Variants in VPS8 observed in about 807,000 individuals in gnomAD.
VPS8 encodes VPS8 subunit of CORVET complex.
VPS8 carries 129 observed loss-of-function variants against 216.4 expected under a neutral mutation model. That is an observed-to-expected ratio of 0.60 (90% confidence interval 0.52 to 0.69). VPS8 has a LOEUF of 0.69. Ranked by LOEUF, VPS8 falls within the 30% of genes least tolerant of loss-of-function variation. The pLI, the probability that VPS8 is intolerant of heterozygous loss-of-function variation, is 0.00. For synonymous variants in VPS8, 571 were observed against 565.4 expected (o/e 1.01, Z -0.14); for missense variants, 1,531 against 1,683.5 (o/e 0.91, Z 1.59).
chr3:184,895,834 A>G (rs1478453588), intron 23 of VPS8, among the ~76,000 whole-genome samples: 3 of 149,946 alleles, frequency 2.0e-5, no homozygotes, highest in Non-Finnish European at 4.4e-5. Context: ...GGGCTTCACC[A>G]TGTTGGGCAG....
chr3:185,023,436 T>C (rs1426960458), intron 45 of VPS8, among the ~76,000 whole-genome samples: 1 of 152,170 alleles, frequency 6.6e-6, no homozygotes, highest in Non-Finnish European at 1.5e-5. Context: ...AGCTCATGCC[T>C]GTAATCCCAA....
At chr3:184,916,368 G>A (rs1274440408) in intron 28 of VPS8, among the ~76,000 whole-genome samples, 2 of 151,944 alleles carry the variant, frequency 1.3e-5, no homozygotes, top group African/African-American at 4.8e-5. Context: ...GAAAGCAGCA[G>A]GCACACGAAT....
At chr3:184,931,645 G>A (rs1388832516) in intron 34 of VPS8, among the ~76,000 whole-genome samples, 2 of 152,156 alleles carry the variant, frequency 1.3e-5, no homozygotes, top group Non-Finnish European at 2.9e-5. Context: ...GTGGTCTGAA[G>A]TAATTTCCAC....
chr3:184,950,216 C>CCTTTTTTTTT (rs572473474), intron 36 of VPS8, among the ~76,000 whole-genome samples: 1 of 39,932 alleles, frequency 2.5e-5, no homozygotes, highest in African/African-American at 1.0e-4. Flanking sequence ...CAGTTTTCTG[C>CCTTTTTTTTT]TTTTTTTTTT....
rs543156325 is a variant in VPS8, at chr3:185,032,370, A to G, written c.4056+7981A>G. On this transcript the variant is annotated intron_variant, in intron 46 of 47. Coordinates refer to ENST00000625842, the MANE Select transcript of VPS8 (RefSeq NM_001009921.3). ...GAACGCTCCAACCATAAGATCTGCA[A>G]GGGTCTCAGAGATCACACAGAAAGG... Among the ~76,000 whole-genome samples the G allele has an allele frequency of 1.4e-4, 21 of 152,312 alleles. No individual in the cohort carries two copies. The East Asian group carries it at 2.3e-3, about 17-fold the overall frequency.
intron 36 of VPS8, among the ~76,000 whole-genome samples, chr3:184,949,160 G>A (rs1048815099): frequency 1.3e-5 from 2 of 152,072 alleles, no homozygotes; most frequent in Admixed American, 1.3e-4. Context: ...AGCAGGGCGT[G>A]GTGGTGCACA....
rs755904422 is a variant in VPS8, at chr3:184,894,690, C to G, written c.1782-13C>G. 8 of 1,573,040 alleles carry G rather than the reference C, an allele frequency of 5.1e-6. No individual in the cohort carries two copies. The highest frequency in any genetic ancestry group is 1.9e-5 in the Admixed American group (1 of 53,570). ...TGTTCCTAAAAGTTTTTCTCCCCCC[C>G]TTTCTGTTACAGGGATCTTTTATTT... is the stretch of plus-strand genomic sequence containing the variant. On this transcript the variant is annotated splice_polypyrimidine_tract_variant and intron_variant, in intron 22 of 47. Transcript: ENST00000625842.
intron 46 of VPS8, among the ~76,000 whole-genome samples, chr3:185,047,236 T>C (rs1713128276): frequency 6.6e-6 from 1 of 152,256 alleles, no homozygotes; most frequent in Admixed American, 6.5e-5. Context: ...CTGTGCTCTC[T>C]AGTTAGTAGC....
chr3:184,849,769 G>A, intron 9 of VPS8, 167 bp from the exon 10 acceptor site: 1 of 615,194 alleles, frequency 1.6e-6, no homozygotes, highest in Non-Finnish European at 2.9e-6. Flanking sequence ...TCGAATAAAG[G>A]CTCTATGCTT....
intron 46 of VPS8, among the ~76,000 whole-genome samples, chr3:185,031,063 G>A (rs1263374139): frequency 7.8e-5 from 5 of 64,346 alleles, no homozygotes; most frequent in Non-Finnish European, 1.2e-4. Context: ...ACAGGTTGGC[G>A]TTTTTTTTTT....
At chr3:184,819,266 A>T (rs1373279865) in intron 1 of VPS8, among the ~76,000 whole-genome samples, 1 of 152,334 alleles carries the variant, frequency 6.6e-6, no homozygotes, top group East Asian at 1.9e-4. Context: ...CTGGGTAATT[A>T]TGATTCCATG....
chr3:185,037,004 G>GA (rs1014052273), intron 46 of VPS8, among the ~76,000 whole-genome samples: 6 of 149,262 alleles, frequency 4.0e-5, no homozygotes, highest in African/African-American at 1.2e-4. Flanking sequence ...GTTATTAAAA[G>GA]AAAAAAGCAA....
chr3:184,823,443 C>T (rs1252543285), intron 1 of VPS8, among the ~76,000 whole-genome samples: 1 of 152,134 alleles, frequency 6.6e-6, no homozygotes, highest in Non-Finnish European at 1.5e-5. Flanking sequence ...ATCTAATTTA[C>T]TAAGAGAAGC....
intron 46 of VPS8, among the ~76,000 whole-genome samples, chr3:185,037,815 G>A (rs1293092237): frequency 6.6e-6 from 1 of 151,978 alleles, no homozygotes; most frequent in African/African-American, 2.4e-5. Flanking sequence ...TTTATAATTT[G>A]TATCTCTTTA....
At chr3:184,905,646 G>T (rs1202798542) in intron 25 of VPS8, among the ~76,000 whole-genome samples, 1 of 147,364 alleles carries the variant, frequency 6.8e-6, no homozygotes. Context: ...TGACAGAACA[G>T]GAAAATATTT....
At chr3:184,894,565 T>G in intron 22 of VPS8, 138 bp from the exon 23 acceptor site, 1 of 578,888 alleles carries the variant, frequency 1.7e-6, no homozygotes, top group East Asian at 3.1e-5. Context: ...AGTATAAAAC[T>G]CTGTGAATAT....
intron 15 of VPS8, among the ~76,000 whole-genome samples, chr3:184,860,973 C>G (rs1428765736): frequency 6.6e-6 from 1 of 151,966 alleles, no homozygotes; most frequent in Non-Finnish European, 1.5e-5. Flanking sequence ...AGGTGCCCCC[C>G]CATCACGCCT....
In VPS8 at chr3:184,982,628, T is replaced by G. The variant is rs1161977888; in HGVS notation, c.3483T>G (p.Ile1161Met). 3 of 1,610,166 alleles carry G rather than the reference T, an allele frequency of 1.9e-6. No individual in the cohort carries two copies. Residue 1161 changes from isoleucine to methionine, a missense_variant, in exon 41 of 48, where the codon ATT becomes ATG. Physicochemically the swap from Ile to Met is conservative, Grantham distance 10. Around this residue, in one of 3 missense-constraint regions of VPS8, gnomAD observed 1,318 missense variants for 1,468.4 expected, o/e 0.90. Transcript: ENST00000625842. ...CTCAGAAGCTGTCCAGTTCAGCCAT[T>G]CCTCATCTACACTCTGAAGGTAAGT... ...MAPQKLSSSA[I>M]PHLHSEALKS...
At chr3:184,846,487 C>G (rs1032392699) in intron 8 of VPS8, among the ~76,000 whole-genome samples, 25 of 152,180 alleles carry the variant, frequency 1.6e-4, no homozygotes, top group African/African-American at 5.8e-4. Flanking sequence ...ATTCTCAGTT[C>G]TCCTGCTTAT....
Sources: gnomAD v4.1 joint callset for allele counts (sites outside exome capture counted in the v4.1 genomes callset) on GRCh38, gnomAD v4.1.1 for gene constraint, gnomAD v4.1.1 regional missense constraint, MANE v1.5 for transcripts, NCBI Gene and HGNC (gene_info 2026-07-23, HGNC 2026-07-21) for gene names.